LRP1B: variants seen among roughly 807,000 people sequenced by gnomAD.
LRP1B encodes the protein LDL receptor related protein 1B.
A neutral mutation model predicts 556.6 loss-of-function variants in LRP1B; 217 were observed. That is an observed-to-expected ratio of 0.39 (90% CI 0.35 to 0.44). The LOEUF is 0.44. LRP1B is among the 20% of genes least tolerant of loss of function. The probability of loss-of-function intolerance (pLI) is 1.00; values close to 1 mark genes in which losing one functional copy is unlikely to be tolerated. For missense variants in LRP1B, 5,053 were observed against 5,620.8 expected, an observed-to-expected ratio of 0.90 and a Z score of 3.23; for synonymous variants, 2,047 against 1,865.8, an observed-to-expected ratio of 1.10 and a Z score of -2.50.
intron 15 of LRP1B, among the ~76,000 whole-genome samples, chr2:141,000,784 A>C (rs1697396756): frequency 6.6e-6 from 1 of 151,984 alleles, no homozygotes; most frequent in Admixed American, 6.6e-5. Context: ...TTTTTTAGTG[A>C]TAATTCTTTT....
chr2:140,292,337 C>T (rs921475409), intron 84 of LRP1B, among the ~76,000 whole-genome samples: 2 of 152,140 alleles, frequency 1.3e-5, no homozygotes, highest in African/African-American at 4.8e-5. Context: ...AAACATTACA[C>T]ATGTTTACTG....
intron 59 of LRP1B, among the ~76,000 whole-genome samples, chr2:140,483,615 CAT>C (rs201503377): frequency 0.017 from 1,496 of 88,220 alleles, 50 homozygotes; most frequent in African/African-American, 0.036. Flanking sequence ...CACACACACA[CAT>C]ATATATATAT....
At position 140,860,666 on chromosome 2, in the gene LRP1B, G is replaced by T. The variant is rs149770264; in HGVS notation, c.4579+6924C>A. On this transcript the variant is annotated intron_variant, in intron 27 of 90. Coordinates refer to ENST00000389484, the MANE Select transcript of LRP1B (RefSeq NM_018557.3). The stretch of plus-strand genomic sequence containing the variant: ...TAAAATAACAATCACATTCTTGAAA[G>T]ATTTTTTTTTTTTAATTCCAATTAG... Among the ~76,000 whole-genome samples the T allele has an allele frequency of 1.1e-3, 172 of 150,512 alleles. 1 individual carries two copies. The highest frequency in any genetic ancestry group is 3.9e-3 in the African/African-American group (158 of 40,386).
intron 20 of LRP1B, among the ~76,000 whole-genome samples, chr2:140,933,847 G>A (rs532748407): frequency 1.1e-4 from 16 of 151,920 alleles, no homozygotes; most frequent in Non-Finnish European, 2.1e-4. Flanking sequence ...TTAGAAATAG[G>A]CTTTGTTATT....
chr2:140,605,908 A>C (rs1367249695), intron 41 of LRP1B, among the ~76,000 whole-genome samples: 2 of 152,120 alleles, frequency 1.3e-5, no homozygotes, highest in African/African-American at 4.8e-5. Context: ...TAGTGGTGAG[A>C]AAATGAATGT....
At chr2:141,839,228 A>G (rs1205934866) in intron 1 of LRP1B, among the ~76,000 whole-genome samples, 2 of 152,202 alleles carry the variant, frequency 1.3e-5, no homozygotes. Context: ...GAGGCTATAG[A>G]GAACCAAATG....
chr2:141,936,277 G>GA (rs1700634025), intron 1 of LRP1B, among the ~76,000 whole-genome samples: 1 of 151,842 alleles, frequency 6.6e-6, no homozygotes, highest in African/African-American at 2.4e-5. Context: ...TATATGAAGG[G>GA]AAAAAATAAG....
At chr2:140,442,973 T>A (rs1008175418) in intron 65 of LRP1B, among the ~76,000 whole-genome samples, 8 of 152,192 alleles carry the variant, frequency 5.3e-5, no homozygotes, top group Non-Finnish European at 8.8e-5. Flanking sequence ...TAGGTATACA[T>A]TTTTGTAAAC....
chr2:140,897,043 A>G (rs987406579), intron 23 of LRP1B, among the ~76,000 whole-genome samples: 1 of 152,216 alleles, frequency 6.6e-6, no homozygotes, highest in Admixed American at 6.5e-5. Context: ...TCAGATGCAC[A>G]AAGTGCACTA....
chr2:142,081,210 T>A (rs10190170), intron 1 of LRP1B, among the ~76,000 whole-genome samples: 1 of 151,744 alleles, frequency 6.6e-6, no homozygotes, highest in African/African-American at 2.4e-5. Context: ...GAGAAATGAG[T>A]ATATAAGAAG....
In LRP1B at chr2:141,240,774, C is replaced by T. The variant is rs558815761; in HGVS notation, c.592+6452G>A. On this transcript the variant is annotated intron_variant, in intron 5 of 90. Transcript: ENST00000389484. ...TCACACCTAGAGCCCATAAATATGG[C>T]CACGTAATTTTTCATACTCAAACAC... Among the ~76,000 whole-genome samples the T allele has an allele frequency of 2.0e-4, 30 of 152,062 alleles. No homozygotes were observed. The South Asian group carries it at 4.2e-3, about 21-fold the overall frequency.
chr2:141,837,041 G>A (rs1697305713), intron 1 of LRP1B, among the ~76,000 whole-genome samples: 1 of 151,944 alleles, frequency 6.6e-6, no homozygotes, highest in Non-Finnish European at 1.5e-5. Context: ...AGATGGAGGT[G>A]TTAGAGGGTT....
intron 2 of LRP1B, among the ~76,000 whole-genome samples, chr2:141,777,345 T>C (rs1209131234): frequency 6.6e-6 from 1 of 152,090 alleles, no homozygotes; most frequent in Non-Finnish European, 1.5e-5. Context: ...GAAATTAGAG[T>C]AGAACAAAAA....
Position 140,378,241 on chromosome 2 carries a change from T to G in LRP1B, c.10577A>C (p.Asp3526Ala), listed in dbSNP as rs199680739. 7.4e-6 allele frequency: 12 copies of G among 1,613,634 alleles called. No homozygotes were observed. In the African/African-American group the frequency reaches 1.6e-4, roughly 22 times the overall value. Residue 3526 changes from aspartate (D) to alanine (A), a missense_variant, in exon 68 of 91, where the codon GAC (aspartate) becomes GCC (alanine). This residue lies in a region of LRP1B where 599 missense variants were observed against 648.4 expected (regional missense o/e 0.92). Coordinates refer to ENST00000389484, the MANE Select transcript of LRP1B (RefSeq NM_018557.3). ...TLKDFLCANGDCVSSRFWCDG... is the reference protein window; with the variant it reads ...TLKDFLCANGACVSSRFWCDG... ...ACACCAAAACCTTGAAGAAACACAG[T>G]CCCCATTGGCACAGAGGAAATCTTT...
intron 80 of LRP1B, 89 bp from the exon 81 acceptor site, chr2:140,324,155 T>C: frequency 5.7e-6 from 4 of 696,684 alleles, no homozygotes; most frequent in Non-Finnish European, 9.5e-6. Context: ...ATTGAAAACC[T>C]TATTACTGTT....
At chr2:141,302,723 A>C (rs2105432895) in intron 3 of LRP1B, among the ~76,000 whole-genome samples, 1 of 152,250 alleles carries the variant, frequency 6.6e-6, no homozygotes, top group East Asian at 1.9e-4. Context: ...AAAACAAATA[A>C]TACAAGTGAA....
At chr2:141,906,027 T>C (rs972325928) in intron 1 of LRP1B, among the ~76,000 whole-genome samples, 8 of 148,094 alleles carry the variant, frequency 5.4e-5, no homozygotes, top group Non-Finnish European at 9.0e-5. Flanking sequence ...TGTGTGTGTC[T>C]GTGTGTATAT....
intron 1 of LRP1B, among the ~76,000 whole-genome samples, chr2:141,957,322 G>T (rs1473394767): frequency 5.4e-5 from 7 of 130,796 alleles, no homozygotes; most frequent in Non-Finnish European, 1.1e-4. Flanking sequence ...ATTGCAAAAA[G>T]GATCACTAAA....
At chr2:141,182,321 T>C (rs1290611196) in intron 7 of LRP1B, among the ~76,000 whole-genome samples, 1 of 152,072 alleles carries the variant, frequency 6.6e-6, no homozygotes, top group African/African-American at 2.4e-5. Context: ...GGTTTTAGAA[T>C]AATTAATACA....
Sources: gnomAD v4.1 joint callset for allele counts (sites outside exome capture counted in the v4.1 genomes callset) on GRCh38, gnomAD v4.1.1 for gene constraint, gnomAD v4.1.1 regional missense constraint, MANE v1.5 for transcripts, NCBI Gene and HGNC (gene_info 2026-07-23, HGNC 2026-07-21) for gene names.